Variants in BTBD9 observed in about 807,000 individuals in gnomAD.
BTBD9 encodes BTB domain containing 9, also known as BTB/POZ domain-containing protein 9.
A neutral mutation model predicts 64.3 loss-of-function variants in BTBD9; 49 were observed. The observed-to-expected ratio is 0.76, with a 90% CI of 0.61 to 0.97. BTBD9 has a LOEUF of 0.97. Among genes scored for constraint, BTBD9 ranks in the 50% least tolerant of loss-of-function variants. The probability of loss-of-function intolerance (pLI) is 0.00; values close to 1 mark genes in which losing one functional copy is unlikely to be tolerated. For missense variants in BTBD9, 598 were observed against 762.1 expected (o/e 0.78, Z 2.53); for synonymous variants, 260 against 274.7 (o/e 0.95, Z 0.53).
intron 6 of BTBD9, among the ~76,000 whole-genome samples, chr6:38,532,001 A>G (rs1773822338): frequency 6.6e-6 from 1 of 152,232 alleles, no homozygotes; most frequent in Non-Finnish European, 1.5e-5. Context: ...GAGCACTCAC[A>G]GTACCCGGGT....
At chr6:38,468,498 G>A (rs933706246) in intron 6 of BTBD9, among the ~76,000 whole-genome samples, 6 of 152,062 alleles carry the variant, frequency 3.9e-5, no homozygotes, top group Non-Finnish European at 5.9e-5. Flanking sequence ...TATAAATATC[G>A]TAAGGAAACC....
intron 6 of BTBD9, among the ~76,000 whole-genome samples, chr6:38,573,081 A>T (rs1353858011): frequency 6.6e-6 from 1 of 152,104 alleles, no homozygotes; most frequent in Non-Finnish European, 1.5e-5. Context: ...AGAAGACAAA[A>T]ACAGGCTTTT....
intron 9 of BTBD9, among the ~76,000 whole-genome samples, chr6:38,215,913 C>A (rs1272766676): frequency 6.6e-6 from 1 of 152,210 alleles, no homozygotes; most frequent in Non-Finnish European, 1.5e-5. Context: ...CCTGCGCCCC[C>A]CACACCACTG....
intron 10 of BTBD9, among the ~76,000 whole-genome samples, chr6:38,177,647 G>C (rs1350836400): frequency 2.6e-5 from 4 of 152,242 alleles, no homozygotes; most frequent in Non-Finnish European, 4.4e-5. Context: ...CCTGGGAAGA[G>C]ATGCTGTCTG....
chr6:38,561,008 T>C (rs1775240652), intron 6 of BTBD9, among the ~76,000 whole-genome samples: 2 of 152,238 alleles, frequency 1.3e-5, no homozygotes, highest in Non-Finnish European at 2.9e-5. Context: ...GTTAATTCCA[T>C]GTCTTTGCTT....
intron 6 of BTBD9, among the ~76,000 whole-genome samples, chr6:38,413,442 C>T (rs1481225051): frequency 6.6e-6 from 1 of 152,182 alleles, no homozygotes; most frequent in Non-Finnish European, 1.5e-5. Context: ...ATTTTTATTT[C>T]CTTACACTGT....
intron 9 of BTBD9, among the ~76,000 whole-genome samples, chr6:38,219,654 T>C (rs537604123): frequency 1.3e-5 from 2 of 152,262 alleles, no homozygotes; most frequent in East Asian, 3.9e-4. Flanking sequence ...TAAAGCCAGA[T>C]GGTCTCAAGA....
chr6:38,338,541 T>C (rs1219288464), intron 7 of BTBD9, among the ~76,000 whole-genome samples: 1 of 152,128 alleles, frequency 6.6e-6, no homozygotes, highest in Non-Finnish European at 1.5e-5. Context: ...TCCTATTCTT[T>C]GAAAGGGTTA....
intron 9 of BTBD9, among the ~76,000 whole-genome samples, chr6:38,195,288 A>C (rs1248755233): frequency 6.6e-6 from 1 of 152,216 alleles, no homozygotes; most frequent in African/African-American, 2.4e-5. Context: ...AGTCAATGCA[A>C]AACCTTGACT....
intron 7 of BTBD9, among the ~76,000 whole-genome samples, chr6:38,344,203 A>G (rs936321289): frequency 1.3e-5 from 2 of 150,780 alleles, no homozygotes; most frequent in Admixed American, 1.3e-4. Flanking sequence ...GGCATGGGGG[A>G]AAAAAAAGCA....
In BTBD9 at chr6:38,594,481, T is replaced by A; in HGVS notation, c.186-154A>T. The A allele has an allele frequency of 3.4e-6, 3 of 883,468 alleles. No individual in the cohort carries two copies. The East Asian group carries it at 8.2e-5, about 24-fold the overall frequency. The allele number at this position is 883,468 out of a possible 1,614,324, so 54.7% of individuals were successfully genotyped here. On this transcript the variant is annotated intron_variant, in intron 2 of 10. Transcript: ENST00000481247. The stretch of plus-strand genomic sequence containing the variant: ...ATGCAAAGTAATCATTTAAAATGGT[T>A]CTTTACAGGACACAAGAGGAATGAT...
intron 6 of BTBD9, among the ~76,000 whole-genome samples, chr6:38,362,377 C>CA (rs1764997397): frequency 6.6e-6 from 1 of 152,184 alleles, no homozygotes; most frequent in Admixed American, 6.5e-5. Context: ...TCAAAGTACC[C>CA]ATACAGTGTC....
chr6:38,302,357 T>C (rs1289734804), intron 7 of BTBD9, among the ~76,000 whole-genome samples: 2 of 151,878 alleles, frequency 1.3e-5, no homozygotes, highest in Admixed American at 6.6e-5. Flanking sequence ...TATGAATGAA[T>C]CATGCAGTGT....
At chr6:38,483,873 C>G (rs548720136) in intron 6 of BTBD9, among the ~76,000 whole-genome samples, 1 of 152,184 alleles carries the variant, frequency 6.6e-6, no homozygotes, top group Non-Finnish European at 1.5e-5. Context: ...AGTGCTCCTT[C>G]CCCAAACTCA....
At chr6:38,178,521 G>A (rs1761386143) in intron 10 of BTBD9, among the ~76,000 whole-genome samples, 1 of 152,186 alleles carries the variant, frequency 6.6e-6, no homozygotes, top group South Asian at 2.1e-4. Context: ...AAGCCAGGGA[G>A]AAGGAGCCCC....
intron 8 of BTBD9, among the ~76,000 whole-genome samples, chr6:38,264,174 T>C (rs1582133228): frequency 1.3e-5 from 2 of 152,284 alleles, no homozygotes; most frequent in East Asian, 3.9e-4. Context: ...CTTGCAAAGA[T>C]GGAACAATCA....
intron 6 of BTBD9, among the ~76,000 whole-genome samples, chr6:38,522,060 A>G (rs1307889495): frequency 6.6e-6 from 1 of 152,108 alleles, no homozygotes; most frequent in Non-Finnish European, 1.5e-5. Context: ...ACAAGACAAC[A>G]TCCCACTGCC....
rs1764584224 is a variant in BTBD9 at position 38,256,496 on chromosome 6, T to C, written c.1475A>G (p.Asp492Gly). The part of the protein sequence containing the change: ...GSIRLLLWDC[D>G]DRSYSYYVEV... ...AACGTAGTAGCTATAGCTTCGATCATCACAATCCCAAAGTAGTAACCTGAA... is the reference window on the plus strand; with the variant it reads ...AACGTAGTAGCTATAGCTTCGATCACCACAATCCCAAAGTAGTAACCTGAA... The change falls in exon 9 of 11, where the codon GAT (aspartate) becomes GGT (glycine). Residue 492 changes from aspartate (D) to glycine (G), a missense_variant. Asp to Gly is a moderately conservative substitution (Grantham distance 94). Coordinates refer to ENST00000481247, the MANE Select transcript of BTBD9 (RefSeq NM_001099272.2). 1 of 1,613,312 alleles carries C rather than the reference T, an allele frequency of 6.2e-7. No individual in the cohort carries two copies. The highest frequency in any genetic ancestry group is 8.5e-7 in the Non-Finnish European group (1 of 1,179,282).
chr6:38,309,269 C>T (rs903663237), intron 7 of BTBD9, among the ~76,000 whole-genome samples: 3 of 150,544 alleles, frequency 2.0e-5, no homozygotes, highest in Admixed American at 2.0e-4. Context: ...ACTTGGAAGG[C>T]TGAGGCAGGA....
Sources: allele counts gnomAD v4.1 joint callset (sites outside exome capture counted in the v4.1 genomes callset), GRCh38; gene constraint gnomAD v4.1.1; transcripts MANE v1.5; gene names NCBI Gene and HGNC (gene_info 2026-07-23, HGNC 2026-07-21).